MYH15: variants seen among roughly 807,000 people sequenced by gnomAD.
The protein encoded by MYH15 is myosin-15.
Under a neutral mutation model 240.5 loss-of-function variants are expected in MYH15, and 227 were observed. The observed-to-expected ratio is 0.94, with a 90% confidence interval of 0.85 to 1.05. MYH15 has a LOEUF of 1.05. MYH15 is among the 50% of genes least tolerant of loss of function. The pLI is 0.00. For synonymous variants in MYH15, 785 were observed against 796.7 expected (o/e 0.99, Z 0.25); for missense variants, 2,217 against 2,247.5 (o/e 0.99, Z 0.27).
At chr3:108,455,468 G>C (rs966372861) in intron 20 of MYH15, among the ~76,000 whole-genome samples, 1 of 152,106 alleles carries the variant, frequency 6.6e-6, no homozygotes, top group African/African-American at 2.4e-5. Flanking sequence ...CATAACATCA[G>C]GTTGATTCAG....
intron 32 of MYH15, among the ~76,000 whole-genome samples, chr3:108,407,854 T>G (rs1193896848): frequency 1.3e-5 from 2 of 152,212 alleles, no homozygotes; most frequent in Non-Finnish European, 2.9e-5. Flanking sequence ...TTAATGTGCA[T>G]ATGAACCACC....
At chr3:108,413,993 C>G (rs539489962) in intron 30 of MYH15, among the ~76,000 whole-genome samples, 1 of 152,306 alleles carries the variant, frequency 6.6e-6, no homozygotes, top group African/African-American at 2.4e-5. Context: ...AGCCTCCTTT[C>G]TCTCCCCAGG....
exon 1 of MYH15, chr3:108,529,307 A>G: frequency 6.4e-7 from 1 of 1,565,378 alleles, no homozygotes; most frequent in Non-Finnish European, 8.8e-7. Context: ...TAAAATGATC[A>G]TATGAAGTAG....
chr3:108,495,867 CG>C lies in MYH15; in HGVS notation c.623del (p.Ala208GlyfsTer2). On this transcript the variant is annotated frameshift_variant, in exon 7 of 41. Transcript: ENST00000693548. LOFTEE classifies it high-confidence loss of function. ...TCGCTTGCATGATTTGATCTTCTAA[CG>C]CCCCCTGAGACACATGCAAGAGAAG... Reference protein sequence around the residue: ...AMIESRKKQGALEDQIMQANT... With the variant: ...AMIESRKKQGXLEDQIMQANT... 6.2e-7 allele frequency: 1 copy of C among 1,606,880 alleles called. No homozygotes were observed. Among genetic ancestry groups the C allele is most frequent in the Non-Finnish European group, 8.5e-7 (1 of 1,176,536 alleles).
chr3:108,391,879 AGTGG>A lies in MYH15; in HGVS notation c.5307_5310del (p.His1770TrpfsTer27), dbSNP rs1340326760. ...TCCATATTTTCTCTTGTCCTTTCCA[AGTGG>A]GCAATGGTGTCTTGCTTCTTCTTCA... On this transcript the variant is annotated frameshift_variant, in exon 37 of 41. Coordinates refer to ENST00000693548, the MANE Select transcript of MYH15 (RefSeq NM_014981.3). LOFTEE classifies it high-confidence loss of function. The A allele has an allele frequency of 6.2e-7, 1 of 1,613,972 alleles. No homozygotes were observed. The highest frequency in any genetic ancestry group is 8.5e-7 in the Non-Finnish European group (1 of 1,179,996).
intron 25 of MYH15, among the ~76,000 whole-genome samples, chr3:108,431,144 C>T (rs530239266): frequency 4.6e-5 from 7 of 152,170 alleles, no homozygotes; most frequent in African/African-American, 1.7e-4. Context: ...AAAAACACAA[C>T]CAGGCTTTAA....
rs765117757 is a variant in MYH15, at chr3:108,464,647, A to G, written c.1722T>C (p.Tyr574=). The G allele has an allele frequency of 2.5e-6, 4 of 1,612,094 alleles. No homozygotes were observed. The highest frequency in any genetic ancestry group is 3.4e-6 in the Non-Finnish European group (4 of 1,179,198). Reference sequence around the variant, plus strand: ...TCCAGAGGTAACTCACCACTCCTGCATAATGGACAAGTTCAAAATGAGCTT... The same window carrying G: ...TCCAGAGGTAACTCACCACTCCTGCGTAATGGACAAGTTCAAAATGAGCTT... ...KFEAHFELVH[Y]AGVVPYNISG... is the part of the protein sequence containing the mutation. Residue 574 remains tyrosine (Y), a synonymous_variant, in exon 15 of 41, where the codon TAT becomes TAC. Coordinates refer to ENST00000693548, the MANE Select transcript of MYH15 (RefSeq NM_014981.3).
intron 2 of MYH15, 147 bp downstream of exon 2, chr3:108,505,573 TAAG>T (rs1339316044): frequency 2.4e-6 from 1 of 410,632 alleles, no homozygotes; most frequent in African/African-American, 2.1e-5. Context: ...CCCACTGACT[TAAG>T]GAGGAGCTTC....
intron 12 of MYH15, among the ~76,000 whole-genome samples, chr3:108,473,158 C>T (rs1345354365): frequency 6.6e-6 from 1 of 152,148 alleles, no homozygotes; most frequent in Non-Finnish European, 1.5e-5. Flanking sequence ...CAAGCACACA[C>T]CACAATGCCC....
Position 108,458,433 on chromosome 3 carries a change from T to C in MYH15, c.2020+929A>G, listed in dbSNP as rs962923947. Among the ~76,000 whole-genome samples, 4 of 152,182 alleles carry C rather than the reference T, an allele frequency of 2.6e-5. No individual in the cohort carries two copies. In the East Asian group the frequency reaches 7.7e-4, roughly 29 times the overall value. ...AACTCAAACTGCAGCATCATTGTTT[T>C]GTATCACACTTTCCCAAAATAGGCC... On this transcript the variant is annotated intron_variant, in intron 18 of 40. Coordinates refer to ENST00000693548, the MANE Select transcript of MYH15 (RefSeq NM_014981.3).
intron 25 of MYH15, 139 bp from the exon 26 acceptor site, chr3:108,431,061 A>AT (rs1159667177): frequency 3.2e-6 from 2 of 619,626 alleles, no homozygotes; most frequent in African/African-American, 3.7e-5. Context: ...TGATTTACTC[A>AT]TTGTACATTG....
intron 34 of MYH15, 63 bp downstream of exon 34, chr3:108,399,011 GT>G: frequency 6.5e-7 from 1 of 1,533,344 alleles, no homozygotes; most frequent in Non-Finnish European, 8.9e-7. Flanking sequence ...CTGTTGCTTA[GT>G]TTGCTTCCAT....
chr3:108,514,422 C>T (rs1357537627), upstream of MYH15, among the ~76,000 whole-genome samples: 5 of 152,132 alleles, frequency 3.3e-5, no homozygotes, highest in South Asian at 2.1e-4. Flanking sequence ...TTTTTGAAAA[C>T]GTCCTTTTCA....
chr3:108,473,028 GAC>G (rs1200622958), intron 12 of MYH15, among the ~76,000 whole-genome samples: 1 of 152,126 alleles, frequency 6.6e-6, no homozygotes, highest in Non-Finnish European at 1.5e-5. Context: ...TTGTTTTTGA[GAC>G]AGAGTGTTGC....
rs747050463 is a variant in MYH15 at position 108,456,868 on chromosome 3, TA to T, written c.2035del (p.Tyr679ThrfsTer39). The T allele has an allele frequency of 1.2e-6, 2 of 1,611,570 alleles. No homozygotes were observed. The highest frequency in any genetic ancestry group is 4.5e-5 in the East Asian group (2 of 44,826). ...VNKIPGILDP[Y>X]LVLQQLRCNG... ...ACAGCGCAACTGCTGTAGAACCAAG[TA>T]AGGGTCCAGTATACCTGGAAAAAAA... On this transcript the variant is annotated frameshift_variant, in exon 19 of 41. Coordinates refer to ENST00000693548, the MANE Select transcript of MYH15 (RefSeq NM_014981.3). LOFTEE classifies it high-confidence loss of function.
intron 27 of MYH15, among the ~76,000 whole-genome samples, chr3:108,424,854 C>T (rs1193392150): frequency 6.6e-6 from 1 of 152,202 alleles, no homozygotes; most frequent in Non-Finnish European, 1.5e-5. Context: ...CACCAACAGA[C>T]ATACACAGGA....
intron 2 of MYH15, among the ~76,000 whole-genome samples, chr3:108,502,163 T>A (rs775786628): frequency 2.0e-5 from 3 of 152,186 alleles, no homozygotes; most frequent in African/African-American, 4.8e-5. Flanking sequence ...GATCATATTA[T>A]GTACAATCTA....
chr3:108,383,720 C>CT lies in MYH15; in HGVS notation c.5640dup (p.Ala1881SerfsTer9). On this transcript the variant is annotated frameshift_variant, in exon 40 of 41. Transcript: ENST00000693548. LOFTEE classifies it high-confidence loss of function. ...TTATACTTGGAAAGGTATTGATTGG[C>CT]TTGTGTTTCCTATAAAAATAAAAAA... is the stretch of plus-strand genomic sequence containing the variant. 1 of 1,488,038 alleles carries CT rather than the reference C, an allele frequency of 6.7e-7. No individual in the cohort carries two copies. Among genetic ancestry groups the CT allele is most frequent in the East Asian group, 2.4e-5 (1 of 41,410 alleles). 92.2% of individuals were successfully genotyped at this position (1,488,038 alleles called of 1,614,324 possible).
At chr3:108,477,785 T>G (rs569630507) in intron 11 of MYH15, among the ~76,000 whole-genome samples, 17 of 152,302 alleles carry the variant, frequency 1.1e-4, no homozygotes, top group Admixed American at 2.6e-4. Context: ...AAAATTGTTT[T>G]ATGAAACAAA....
Sources: gnomAD v4.1 joint callset for allele counts (sites outside exome capture counted in the v4.1 genomes callset) on GRCh38, gnomAD v4.1.1 for gene constraint, MANE v1.5 for transcripts, NCBI Gene and HGNC (gene_info 2026-07-23, HGNC 2026-07-21) for gene names.